GTSE1: variants seen among roughly 807,000 people sequenced by gnomAD.
GTSE1 encodes the protein G2 and S phase-expressed protein 1.
Under a neutral mutation model 60.5 loss-of-function variants are expected in GTSE1, and 52 were observed. That is an observed-to-expected ratio of 0.86 (90% CI 0.69 to 1.08). The LOEUF (loss-of-function observed/expected upper bound fraction) is 1.08, where lower values mean the gene tolerates loss of function less well. Ranked by LOEUF, GTSE1 falls within the 50% of genes least tolerant of loss-of-function variation. The probability of loss-of-function intolerance (pLI) is 0.00; values close to 1 mark genes in which losing one functional copy is unlikely to be tolerated. For synonymous variants in GTSE1, 368 were observed against 386.5 expected, an observed-to-expected ratio of 0.95 and a Z score of 0.56; for missense variants, 937 against 961.8, an observed-to-expected ratio of 0.97 and a Z score of 0.34.
In GTSE1 at chr22:46,321,489, C is replaced by T. The variant is rs907376153; in HGVS notation, c.1433-1701C>T. 3.3e-5 allele frequency among the ~76,000 whole-genome samples: 5 copies of T among 152,206 alleles called. No homozygotes were observed. The highest frequency in any genetic ancestry group is 6.5e-5 in the Admixed American group (1 of 15,286). On this transcript the variant is annotated intron_variant, in intron 7 of 11. Coordinates refer to ENST00000454366, the MANE Select transcript of GTSE1 (RefSeq NM_016426.7). This position sits in a 1 kb window ranked among gnomAD's most constrained non-coding sequence, Gnocchi z 4.0. Reference sequence around the variant, plus strand: ...GTTTGACTCAGCTGTGTGCGAGCTGCGCGCCTCTCCAGTGCTGGGGTGAAC... The same window carrying T: ...GTTTGACTCAGCTGTGTGCGAGCTGTGCGCCTCTCCAGTGCTGGGGTGAAC...
intron 2 of GTSE1, among the ~76,000 whole-genome samples, chr22:46,305,930 T>G (rs759136368): frequency 1.3e-5 from 2 of 152,020 alleles, no homozygotes; most frequent in Admixed American, 6.6e-5. Context: ...TAAATAAAAT[T>G]ATATTTTCCT....
chr22:46,316,602 C>G lies in GTSE1; in HGVS notation c.1432+190C>G. Among the ~76,000 whole-genome samples the G allele has an allele frequency of 6.6e-6, 1 of 152,302 alleles. No individual in the cohort carries two copies. The highest frequency in any genetic ancestry group is 3.4e-3 in the Middle Eastern group (1 of 292). On this transcript the variant is annotated intron_variant, in intron 7 of 11. Coordinates refer to ENST00000454366, the MANE Select transcript of GTSE1 (RefSeq NM_016426.7). This position sits in a 1 kb window ranked among gnomAD's most constrained non-coding sequence, Gnocchi z 5.0. ...CACTGGAGGCTCCCTGAATGTCTTACGTTCGTTCCTGTGTGTGTGACACCC... is the reference window on the plus strand; with the variant it reads ...CACTGGAGGCTCCCTGAATGTCTTAGGTTCGTTCCTGTGTGTGTGACACCC...
At chr22:46,302,016 T>C (rs940483167) in intron 2 of GTSE1, among the ~76,000 whole-genome samples, 2 of 152,078 alleles carry the variant, frequency 1.3e-5, no homozygotes, top group Non-Finnish European at 2.9e-5. Context: ...TCCCAGCTAC[T>C]TGGGAGGCTA....
intron 8 of GTSE1, 96 bp downstream of exon 8, chr22:46,323,358 C>T (rs979854923): frequency 1.1e-5 from 10 of 947,310 alleles, no homozygotes; most frequent in East Asian, 2.4e-5. Context: ...GCCTGGCCTG[C>T]GCATCTGGCT....
At chr22:46,323,644 T>C (rs923098746) in intron 8 of GTSE1, among the ~76,000 whole-genome samples, 4 of 152,218 alleles carry the variant, frequency 2.6e-5, no homozygotes, top group African/African-American at 9.6e-5. Context: ...CTGTGACTTG[T>C]ACCGCAGTTG....
Position 46,308,924 on chromosome 22 carries a change from TCC to T in GTSE1, c.745_746del (p.Pro249TrpfsTer13), listed in dbSNP as rs2077733180. 6.2e-7 allele frequency: 1 copy of T among 1,610,644 alleles called. No individual in the cohort carries two copies. Among genetic ancestry groups the T allele is most frequent in the South Asian group, 1.1e-5 (1 of 90,994 alleles). ...GCGGCCTCTGTTAGAGGAAGAAGCA[TCC>T]CTGGGGCTGCGGAGAAGGTAAATGC... On this transcript the variant is annotated frameshift_variant, in exon 4 of 12. Coordinates refer to ENST00000454366, the MANE Select transcript of GTSE1 (RefSeq NM_016426.7). LOFTEE classifies it high-confidence loss of function.
rs555142886 is a variant in GTSE1 at position 46,313,280 on chromosome 22, G to A, written c.928-610G>A. ...TCTGGCATTGGCGGTAAACCAAGCT[G>A]TGTGTACTGGCAGTTCTTGTTAGAA... On this transcript the variant is annotated intron_variant, in intron 5 of 11. Transcript: ENST00000454366. The surrounding 1 kb of genome is among the most constrained non-coding windows in gnomAD (Gnocchi z 4.4). 7.9e-5 allele frequency among the ~76,000 whole-genome samples: 12 copies of A among 152,066 alleles called. No individual in the cohort carries two copies. Among genetic ancestry groups the A allele is most frequent in the African/African-American group, 2.4e-4 (10 of 41,460 alleles).
At position 46,329,626 on chromosome 22, in the gene GTSE1, T is replaced by C; in HGVS notation, c.2136+59T>C. On this transcript the variant is annotated intron_variant, in intron 11 of 11. Coordinates refer to ENST00000454366, the MANE Select transcript of GTSE1 (RefSeq NM_016426.7). The surrounding 1 kb of genome is among the most constrained non-coding windows in gnomAD (Gnocchi z 6.4). ...CCCTGGGTGTCCTCAGTTCTGGGAT[T>C]GTTCATCCTCCCAGGGCCATCGTGG... 7.3e-7 allele frequency: 1 copy of C among 1,372,714 alleles called. No homozygotes were observed. Among genetic ancestry groups the C allele is most frequent in the Non-Finnish European group, 1.0e-6 (1 of 962,338 alleles). The allele number at this position is 1,372,714 out of a possible 1,614,324, so 85.0% of individuals were successfully genotyped here. A position where few individuals can be genotyped will look rare whatever the true frequency, so the allele number is the denominator to read the frequency against.
Position 46,304,172 on chromosome 22 carries a change from T to G in GTSE1, c.80-3978T>G, listed in dbSNP as rs146893494. 2.5e-3 allele frequency among the ~76,000 whole-genome samples: 375 copies of G among 152,206 alleles called. 1 individual carries two copies. The highest frequency in any genetic ancestry group is 4.6e-3 in the Admixed American group (70 of 15,298). On this transcript the variant is annotated intron_variant, in intron 2 of 11. Transcript: ENST00000454366. This position sits in a 1 kb window ranked among gnomAD's most constrained non-coding sequence, Gnocchi z 4.4. ...ACCCCGCTCATTTTTTTTTTTCTTT[T>G]TGTAGAGCTGGGGTCTCGCTATGTT... is the stretch of plus-strand genomic sequence containing the variant.
At position 46,314,764 on chromosome 22, in the gene GTSE1, T is replaced by G. The variant is rs1000544279; in HGVS notation, c.1051+751T>G. On this transcript the variant is annotated intron_variant, in intron 6 of 11. Transcript: ENST00000454366. This position sits in a 1 kb window ranked among gnomAD's most constrained non-coding sequence, Gnocchi z 7.1. ...GGTGGCGGGTGCCTGTAGTCCCAGCTACTCGGGAGACTGGGCCACGAGAAT... is the reference window on the plus strand; with the variant it reads ...GGTGGCGGGTGCCTGTAGTCCCAGCGACTCGGGAGACTGGGCCACGAGAAT... Among the ~76,000 whole-genome samples, 1 of 149,976 alleles carries G rather than the reference T, an allele frequency of 6.7e-6. No individual in the cohort carries two copies. Among genetic ancestry groups the G allele is most frequent in the African/African-American group, 2.5e-5 (1 of 40,606 alleles).
chr22:46,306,683 T>G (rs2077717409), intron 2 of GTSE1, among the ~76,000 whole-genome samples: 1 of 151,898 alleles, frequency 6.6e-6, no homozygotes, highest in Non-Finnish European at 1.5e-5. Flanking sequence ...AGATGGGATT[T>G]TGCCACGTTG....
rs777182976 is a variant in GTSE1 at position 46,312,274 on chromosome 22, AG to A, written c.899del (p.Gly300AlafsTer13). On this transcript the variant is annotated frameshift_variant, in exon 5 of 12. Transcript: ENST00000454366. LOFTEE classifies it high-confidence loss of function. ...NVPAAGSHLG[Q>X]GKRAIPVPNK... ...CCGGCCGCCGGAAGCCACTTGGGCC[AG>A]GGCAAGCGGGCGATCCCTGTTCCAA... 6.2e-7 allele frequency: 1 copy of A among 1,613,688 alleles called. No individual in the cohort carries two copies.
chr22:46,298,886 A>G (rs746284872), intron 2 of GTSE1, among the ~76,000 whole-genome samples: 23 of 151,996 alleles, frequency 1.5e-4, no homozygotes, highest in Admixed American at 8.5e-4. Context: ...CCCTTGTCTC[A>G]CTTGTCGCCA....
chr22:46,301,087 C>T (rs1321979689), intron 2 of GTSE1, among the ~76,000 whole-genome samples: 1 of 152,222 alleles, frequency 6.6e-6, no homozygotes, highest in Non-Finnish European at 1.5e-5. Context: ...AAGAGCATTA[C>T]TAGCTTTTGT....
chr22:46,323,378 G>T, intron 8 of GTSE1, 116 bp downstream of exon 8: 2 of 801,288 alleles, frequency 2.5e-6, no homozygotes. Flanking sequence ...TTCCACGCCA[G>T]TCTCTTGGGT....
intron 8 of GTSE1, 90 bp from the exon 9 acceptor site, chr22:46,326,346 C>A (rs2077843556): frequency 4.7e-6 from 5 of 1,073,042 alleles, no homozygotes; most frequent in African/African-American, 1.6e-5. Context: ...GAAACCAAAG[C>A]CCTCAGCACT....
At position 46,323,459 on chromosome 22, in the gene GTSE1, G is replaced by A. The variant is rs545544837; in HGVS notation, c.1505+197G>A. On this transcript the variant is annotated intron_variant, in intron 8 of 11. Transcript: ENST00000454366. ...CAGACTTAAGACATCTGAGACTTCCGCGATGCAGTACGGCAGCTCCCAGCC... is the reference window on the plus strand; with the variant it reads ...CAGACTTAAGACATCTGAGACTTCCACGATGCAGTACGGCAGCTCCCAGCC... 5.3e-5 allele frequency among the ~76,000 whole-genome samples: 8 copies of A among 152,292 alleles called. No individual in the cohort carries two copies. In the East Asian group the frequency reaches 1.4e-3, roughly 26 times the overall value.
Position 46,319,896 on chromosome 22 carries a change from G to C in GTSE1, c.1433-3294G>C, listed in dbSNP as rs2077802369. Among the ~76,000 whole-genome samples, 1 of 151,582 alleles carries C rather than the reference G, an allele frequency of 6.6e-6. No individual in the cohort carries two copies. The highest frequency in any genetic ancestry group is 2.1e-4 in the South Asian group (1 of 4,816). On this transcript the variant is annotated intron_variant, in intron 7 of 11. Transcript: ENST00000454366. The surrounding 1 kb of genome is among the most constrained non-coding windows in gnomAD (Gnocchi z 5.0). ...AGCTACTTGGGAAGCTGAGGCAGGA[G>C]AATCACTTGAGCCAGGAGGCAGAGG...
chr22:46,329,829 G>A lies in GTSE1; in HGVS notation c.2137-218G>A, dbSNP rs533241966. Among the ~76,000 whole-genome samples, 2 of 152,326 alleles carry A rather than the reference G, an allele frequency of 1.3e-5. No homozygotes were observed. Among genetic ancestry groups the A allele is most frequent in the Non-Finnish European group, 1.5e-5 (1 of 68,018 alleles). ...CCCATAGACCCCAGGGCCAGATGTGGGACAGAGGAATGTGCATGGTGGGGG... is the reference window on the plus strand; with the variant it reads ...CCCATAGACCCCAGGGCCAGATGTGAGACAGAGGAATGTGCATGGTGGGGG... On this transcript the variant is annotated intron_variant, in intron 11 of 11. Coordinates refer to ENST00000454366, the MANE Select transcript of GTSE1 (RefSeq NM_016426.7). The surrounding 1 kb of genome is among the most constrained non-coding windows in gnomAD (Gnocchi z 6.4).
Sources: gnomAD v4.1 joint callset for allele counts (sites outside exome capture counted in the v4.1 genomes callset) on GRCh38, gnomAD v4.1.1 for gene constraint, Gnocchi (gnomAD v3.1) non-coding constraint, MANE v1.5 for transcripts, NCBI Gene and HGNC (gene_info 2026-07-23, HGNC 2026-07-21) for gene names.